FHIT: variants seen among roughly 807,000 people sequenced by gnomAD.
The protein encoded by FHIT is fragile histidine triad diadenosine triphosphatase, also known as bis(5'-adenosyl)-triphosphatase.
A neutral mutation model predicts 17.9 loss-of-function variants in FHIT; 19 were observed. That is an observed-to-expected ratio of 1.06 (90% CI 0.74 to 1.56). FHIT has a LOEUF of 1.56. Ranked by LOEUF, FHIT falls within the 40% of genes most tolerant of loss-of-function variation. The probability of loss-of-function intolerance (pLI) is 0.00; values close to 1 mark genes in which losing one functional copy is unlikely to be tolerated. For synonymous variants in FHIT, 81 were observed against 69.7 expected (o/e 1.16, Z -0.81); for missense variants, 248 against 189.2 (o/e 1.31, Z -1.82).
intron 3 of FHIT, among the ~76,000 whole-genome samples, chr3:61,001,236 G>A (rs2031059575): frequency 1.3e-5 from 2 of 152,130 alleles, no homozygotes; most frequent in Admixed American, 1.3e-4. Context: ...AGCTATTCTA[G>A]AAAATAGTTC....
intron 5 of FHIT, among the ~76,000 whole-genome samples, chr3:60,205,388 T>C (rs1366161322): frequency 1.3e-5 from 2 of 152,174 alleles, no homozygotes; most frequent in African/African-American, 2.4e-5. Context: ...TACACAAGTA[T>C]AATCATAGGT....
intron 8 of FHIT, among the ~76,000 whole-genome samples, chr3:59,828,822 G>GT (rs1559641650): frequency 7.6e-6 from 1 of 131,410 alleles, no homozygotes; most frequent in African/African-American, 3.0e-5. Context: ...TTTTGTTTTT[G>GT]TTTTTTTAAC....
chr3:60,374,809 T>C (rs1014503503), intron 5 of FHIT, among the ~76,000 whole-genome samples: 50 of 152,258 alleles, frequency 3.3e-4, no homozygotes, highest in African/African-American at 1.1e-3. Flanking sequence ...TGTGTGGCTG[T>C]GTGTTTTTTA....
At chr3:60,795,270 G>A (rs562782096) in intron 4 of FHIT, among the ~76,000 whole-genome samples, 3 of 152,066 alleles carry the variant, frequency 2.0e-5, no homozygotes, top group Non-Finnish European at 4.4e-5. Flanking sequence ...TCCTTGAAAT[G>A]CAAAATTATT....
At chr3:60,583,167 T>C (rs2037801753) in intron 4 of FHIT, among the ~76,000 whole-genome samples, 1 of 151,984 alleles carries the variant, frequency 6.6e-6, no homozygotes, top group Non-Finnish European at 1.5e-5. Context: ...GAGAAATTCC[T>C]TATTCTCCTT....
chr3:60,832,405 C>G (rs1553742790), intron 3 of FHIT, among the ~76,000 whole-genome samples: 1 of 152,098 alleles, frequency 6.6e-6, no homozygotes, highest in African/African-American at 2.4e-5. Flanking sequence ...GGCACTCCTA[C>G]TGATACATAA....
intron 4 of FHIT, among the ~76,000 whole-genome samples, chr3:60,630,559 G>A (rs2039411837): frequency 6.6e-6 from 1 of 152,146 alleles, no homozygotes; most frequent in South Asian, 2.1e-4. Context: ...AAGCCTCTCT[G>A]GGAACTAATT....
chr3:61,017,744 G>A (rs149969681), intron 3 of FHIT, among the ~76,000 whole-genome samples: 1 of 152,248 alleles, frequency 6.6e-6, no homozygotes, highest in African/African-American at 2.4e-5. Flanking sequence ...CAATGAGGAG[G>A]GGCATTATCT....
intron 6 of FHIT, among the ~76,000 whole-genome samples, chr3:60,011,740 G>C (rs898182528): frequency 1.3e-5 from 2 of 152,190 alleles, no homozygotes. Flanking sequence ...GTTATGTTTA[G>C]AGGTGGTTTA....
chr3:60,697,124 T>C lies in FHIT; in HGVS notation c.-18+124795A>G, dbSNP rs577869478. On this transcript the variant is annotated intron_variant, in intron 4 of 9. Transcript: ENST00000492590. ...GGATTGAATTATTAATATTTCACCT[T>C]TACAAATACATGCAGTATAATTCAA... 2.0e-5 allele frequency among the ~76,000 whole-genome samples: 3 copies of C among 152,306 alleles called. No individual in the cohort carries two copies. In the South Asian group the frequency reaches 6.2e-4, roughly 32 times the overall value.
chr3:59,848,265 A>G (rs988987611), intron 8 of FHIT, among the ~76,000 whole-genome samples: 1 of 152,194 alleles, frequency 6.6e-6, no homozygotes, highest in Non-Finnish European at 1.5e-5. Flanking sequence ...TTTCCCTGGA[A>G]TATTCAGGCC....
chr3:60,228,234 A>G (rs1013984745), intron 5 of FHIT, among the ~76,000 whole-genome samples: 17 of 152,228 alleles, frequency 1.1e-4, no homozygotes, highest in African/African-American at 3.6e-4. Context: ...GATCCCATTT[A>G]TGTAAAATGT....
At chr3:59,978,683 G>A (rs1032413180) in intron 7 of FHIT, among the ~76,000 whole-genome samples, 85 of 149,562 alleles carry the variant, frequency 5.7e-4, no homozygotes, top group African/African-American at 2.0e-3. Flanking sequence ...GCAAAACTAT[G>A]TGCATATGCC....
chr3:60,179,774 A>T (rs1364991771), intron 5 of FHIT, among the ~76,000 whole-genome samples: 1 of 152,148 alleles, frequency 6.6e-6, no homozygotes, highest in African/African-American at 2.4e-5. Context: ...GGTCTAGAAC[A>T]CTAAGGAAAA....
chr3:61,016,512 T>C (rs1286288924), intron 3 of FHIT, among the ~76,000 whole-genome samples: 2 of 152,236 alleles, frequency 1.3e-5, no homozygotes, highest in Admixed American at 1.3e-4. Context: ...AATAAATTTA[T>C]GTTGCCTGGT....
chr3:60,044,576 A>T lies in FHIT; in HGVS notation c.104-30424T>A, dbSNP rs796347207. Among the ~76,000 whole-genome samples, 1,311 of 152,278 alleles carry T rather than the reference A, an allele frequency of 8.6e-3. 30 individuals carry two copies. Among genetic ancestry groups the T allele is most frequent in the South Asian group, 0.071 (343 of 4,822 alleles). On this transcript the variant is annotated intron_variant, in intron 5 of 9. Coordinates refer to ENST00000492590, the MANE Select transcript of FHIT (RefSeq NM_002012.4). ...AAGAAGGAAGAGGAGGAGAAAGAAC[A>T]ACAATGATATCATGGTAAAGGCCTG...
At chr3:60,816,875 C>T (rs1309022293) in intron 4 of FHIT, among the ~76,000 whole-genome samples, 2 of 151,974 alleles carry the variant, frequency 1.3e-5, no homozygotes, top group African/African-American at 4.8e-5. Context: ...GATTAGTCCA[C>T]TGACATTTAG....
chr3:60,447,549 A>T (rs564500663), intron 5 of FHIT, among the ~76,000 whole-genome samples: 34 of 152,292 alleles, frequency 2.2e-4, no homozygotes, highest in African/African-American at 6.0e-4. Flanking sequence ...GGCCTCAAAG[A>T]AACTTCAAAT....
At chr3:60,458,762 GC>G (rs2032274689) in intron 5 of FHIT, among the ~76,000 whole-genome samples, 1 of 151,890 alleles carries the variant, frequency 6.6e-6, no homozygotes, top group Non-Finnish European at 1.5e-5. Context: ...TGATATGGGG[GC>G]TATGTGCATT....
Sources: gnomAD v4.1 joint callset for allele counts (sites outside exome capture counted in the v4.1 genomes callset) on GRCh38, gnomAD v4.1.1 for gene constraint, MANE v1.5 for transcripts, NCBI Gene and HGNC (gene_info 2026-07-23, HGNC 2026-07-21) for gene names.